Variants in ZBTB20 observed in about 807,000 individuals in gnomAD.
ZBTB20 encodes zinc finger and BTB domain-containing protein 20.
Under a neutral mutation model 56.9 loss-of-function variants are expected in ZBTB20, and 9 were observed. The observed-to-expected ratio is 0.16, with a 90% CI of 0.10 to 0.28. The LOEUF (loss-of-function observed/expected upper bound fraction) is 0.28. Among genes scored for constraint, ZBTB20 ranks in the 10% least tolerant of loss-of-function variants. ZBTB20 has a pLI of 1.00. For missense variants in ZBTB20, 655 were observed against 1,003.0 expected, an observed-to-expected ratio of 0.65 and a Z score of 4.69; for synonymous variants, 417 against 420.7, an observed-to-expected ratio of 0.99 and a Z score of 0.11.
chr3:114,412,863 C>T (rs895119907), intron 7 of ZBTB20, among the ~76,000 whole-genome samples: 18 of 152,244 alleles, frequency 1.2e-4, no homozygotes, highest in African/African-American at 3.9e-4. Flanking sequence ...TTGCTACAAA[C>T]GGAATCACAT....
At chr3:114,371,938 A>G (rs902013984) in intron 10 of ZBTB20, among the ~76,000 whole-genome samples, 3 of 151,686 alleles carry the variant, frequency 2.0e-5, no homozygotes, top group East Asian at 1.9e-4. Context: ...AAAAAAAAAA[A>G]GGGATTCTGC....
In ZBTB20 at chr3:114,380,901, G is replaced by T; in HGVS notation, c.-114C>A. The T allele has an allele frequency of 1.1e-6, 1 of 916,114 alleles. No homozygotes were observed. The highest frequency in any genetic ancestry group is 1.5e-6 in the Non-Finnish European group (1 of 662,580). 56.7% of individuals were successfully genotyped at this position (916,114 alleles called of 1,614,324 possible). Reference sequence around the variant, plus strand: ...TGCCTCTAACTTGCTGTGTGGCCTTGGGCACCTCACTTCACCTCTCTGGGC... The same window carrying T: ...TGCCTCTAACTTGCTGTGTGGCCTTTGGCACCTCACTTCACCTCTCTGGGC... On this transcript the variant is annotated 5_prime_UTR_variant, in exon 9 of 12. Transcript: ENST00000675478.
intron 6 of ZBTB20, among the ~76,000 whole-genome samples, chr3:114,679,375 CATCT>C (rs1343927939): frequency 6.6e-6 from 1 of 151,954 alleles, no homozygotes; most frequent in East Asian, 1.9e-4. Context: ...AAATGTTTGC[CATCT>C]ATCCATGTGA....
In ZBTB20 at chr3:114,909,604, C is replaced by T. The variant is rs192133224; in HGVS notation, c.-455-9262G>A. The stretch of plus-strand genomic sequence containing the variant: ...CTTCCAGTCTTGCAAGCTCCATTCA[C>T]GGTATTAATTATAACTTATAAGCAA... On this transcript the variant is annotated intron_variant, in intron 3 of 11. Coordinates refer to ENST00000675478, the MANE Select transcript of ZBTB20 (RefSeq NM_001348800.3). Among the ~76,000 whole-genome samples, 17 of 151,984 alleles carry T rather than the reference C, an allele frequency of 1.1e-4. No homozygotes were observed. The East Asian group carries it at 1.9e-3, about 17-fold the overall frequency.
intron 5 of ZBTB20, among the ~76,000 whole-genome samples, chr3:114,706,352 T>C (rs1368125544): frequency 6.6e-6 from 1 of 152,184 alleles, no homozygotes; most frequent in Non-Finnish European, 1.5e-5. Flanking sequence ...CTTGTATTAA[T>C]GATACATAAA....
chr3:114,350,388 C>T lies in ZBTB20; in HGVS notation c.1690G>A (p.Ala564Thr), dbSNP rs768674584. 6.8e-6 allele frequency: 11 copies of T among 1,614,032 alleles called. No individual in the cohort carries two copies. The highest frequency in any genetic ancestry group is 4.4e-5 in the South Asian group (4 of 91,084). Residue 564 changes from alanine to threonine, a missense_variant, in exon 11 of 12, where the codon GCA becomes ACA. Physicochemically the swap from Ala to Thr is moderately conservative, Grantham distance 58. Around this residue, in one of 10 missense-constraint regions of ZBTB20, gnomAD observed 71 missense variants for 89.4 expected, o/e 0.79. Coordinates refer to ENST00000675478, the MANE Select transcript of ZBTB20 (RefSeq NM_001348800.3). The part of the protein sequence containing the change: ...LPAPQPLASS[A>T]GHSTASGQGE... Reference sequence around the variant, plus strand: ...TGCCCACTGGCTGTGCTGTGGCCTGCGGATGAGGCCAGGGGCTGTGGCGCT... The same window carrying T: ...TGCCCACTGGCTGTGCTGTGGCCTGTGGATGAGGCCAGGGGCTGTGGCGCT...
chr3:114,887,476 G>GC (rs1008573616), intron 4 of ZBTB20, among the ~76,000 whole-genome samples: 2 of 152,130 alleles, frequency 1.3e-5, no homozygotes, highest in African/African-American at 4.8e-5. Flanking sequence ...TTTAAGGTGG[G>GC]CCCTAAATCC....
intron 7 of ZBTB20, among the ~76,000 whole-genome samples, chr3:114,402,834 G>A (rs1656383857): frequency 6.6e-6 from 1 of 152,076 alleles, no homozygotes. Context: ...AAGGGCAGGA[G>A]GTTTGCCTCT....
rs148822610 is a variant in ZBTB20, at chr3:115,046,080, G to C, written c.-507+25139C>G. Among the ~76,000 whole-genome samples, 168 of 152,234 alleles carry C rather than the reference G, an allele frequency of 1.1e-3. 1 individual carries two copies. The highest frequency in any genetic ancestry group is 6.8e-3 in the Middle Eastern group (2 of 294). Reference sequence around the variant, plus strand: ...CATTTGTACTGAATCAGAAAATCATGACATACTTAGAGGTCACTGGGATTA... The same window carrying C: ...CATTTGTACTGAATCAGAAAATCATCACATACTTAGAGGTCACTGGGATTA... On this transcript the variant is annotated intron_variant, in intron 2 of 11. Transcript: ENST00000675478.
chr3:114,354,468 A>AT, intron 10 of ZBTB20, among the ~76,000 whole-genome samples: 1 of 152,140 alleles, frequency 6.6e-6, no homozygotes, highest in East Asian at 1.9e-4. Flanking sequence ...TATCACAATA[A>AT]TTAGTATCCA....
chr3:115,099,752 TA>T (rs2083510814), intron 1 of ZBTB20, among the ~76,000 whole-genome samples: 1 of 152,042 alleles, frequency 6.6e-6, no homozygotes, highest in African/African-American at 2.4e-5. Context: ...CATTGGCAAA[TA>T]ACTAACAAAA....
chr3:114,854,325 G>A (rs1417653911), intron 4 of ZBTB20, among the ~76,000 whole-genome samples: 2 of 152,074 alleles, frequency 1.3e-5, no homozygotes, highest in South Asian at 2.1e-4. Flanking sequence ...AGATAATAGA[G>A]GCTAACAGGG....
chr3:115,048,390 A>G (rs2081415853), intron 2 of ZBTB20, among the ~76,000 whole-genome samples: 1 of 152,164 alleles, frequency 6.6e-6, no homozygotes, highest in Non-Finnish European at 1.5e-5. Flanking sequence ...AAGTTCCCAC[A>G]ACAACTCATT....
chr3:114,875,787 C>T (rs2076169558), intron 4 of ZBTB20, among the ~76,000 whole-genome samples: 1 of 152,138 alleles, frequency 6.6e-6, no homozygotes, highest in Non-Finnish European at 1.5e-5. Context: ...ACCAGTTCTG[C>T]TACCTCAATA....
intron 7 of ZBTB20, among the ~76,000 whole-genome samples, chr3:114,410,405 G>A (rs1300890139): frequency 6.6e-6 from 1 of 152,074 alleles, no homozygotes; most frequent in Non-Finnish European, 1.5e-5. Context: ...TTTGGAAGAG[G>A]AAAAGGACAT....
chr3:114,759,888 G>C (rs181924969), intron 5 of ZBTB20, among the ~76,000 whole-genome samples: 5 of 152,090 alleles, frequency 3.3e-5, no homozygotes, highest in Non-Finnish European at 7.4e-5. Flanking sequence ...AACAGATAGT[G>C]TGCAAATAAA....
intron 1 of ZBTB20, among the ~76,000 whole-genome samples, chr3:115,113,332 A>T (rs2108630975): frequency 6.6e-6 from 1 of 152,370 alleles, no homozygotes; most frequent in East Asian, 1.9e-4. Flanking sequence ...TTTGCATATA[A>T]TTGATGGGTG....
At chr3:114,960,713 T>C (rs2077416531) in intron 3 of ZBTB20, among the ~76,000 whole-genome samples, 1 of 152,182 alleles carries the variant, frequency 6.6e-6, no homozygotes, top group South Asian at 2.1e-4. Flanking sequence ...GTGTTCTGGT[T>C]ACAAAGATAT....
chr3:114,845,252 T>C (rs773305209), intron 4 of ZBTB20, among the ~76,000 whole-genome samples: 75 of 150,996 alleles, frequency 5.0e-4, no homozygotes, highest in Non-Finnish European at 1.3e-4. Flanking sequence ...AAATTTCAAA[T>C]AGTGAAAGCA....
Sources: gnomAD v4.1 joint callset for allele counts (sites outside exome capture counted in the v4.1 genomes callset) on GRCh38, gnomAD v4.1.1 for gene constraint, gnomAD v4.1.1 regional missense constraint, MANE v1.5 for transcripts, NCBI Gene and HGNC (gene_info 2026-07-23, HGNC 2026-07-21) for gene names.